ABR: variants seen among roughly 807,000 people sequenced by gnomAD.
ABR encodes active breakpoint cluster region-related protein.
ABR carries 35 observed loss-of-function variants against 107.2 expected under a neutral mutation model. The observed-to-expected ratio is 0.33, with a 90% CI of 0.25 to 0.43. The LOEUF (loss-of-function observed/expected upper bound fraction) is 0.43. Among genes scored for constraint, ABR ranks in the 20% least tolerant of loss-of-function variants. ABR has a pLI of 1.00. For synonymous variants in ABR, 498 were observed against 462.0 expected, an observed-to-expected ratio of 1.08 and a Z score of -1.00; for missense variants, 815 against 1,115.2, an observed-to-expected ratio of 0.73 and a Z score of 3.83.
At chr17:1,217,920 C>T (rs1418135318) in intron 1 of ABR, among the ~76,000 whole-genome samples, 2 of 152,218 alleles carry the variant, frequency 1.3e-5, no homozygotes, top group South Asian at 2.1e-4. Flanking sequence ...GTCTTGAACT[C>T]CTGACCTCAG....
intron 10 of ABR, 120 bp downstream of exon 10, chr17:1,066,957 T>C (rs560822736): frequency 1.9e-6 from 2 of 1,061,566 alleles, no homozygotes; most frequent in South Asian, 3.0e-5. Flanking sequence ...GGTCTTTCCC[T>C]TAGTAACTAC....
chr17:1,131,180 C>CCT (rs1366646097), intron 1 of ABR, among the ~76,000 whole-genome samples: 7 of 123,016 alleles, frequency 5.7e-5, no homozygotes, highest in Non-Finnish European at 1.2e-4. Flanking sequence ...ACAGCTCCCC[C>CCT]CTTTGCACAC....
chr17:1,151,265 T>C (rs2040782234), intron 1 of ABR, among the ~76,000 whole-genome samples: 1 of 152,060 alleles, frequency 6.6e-6, no homozygotes, highest in Non-Finnish European at 1.5e-5. Context: ...ACTGCCAGGC[T>C]CTCACAGAGG....
chr17:1,100,340 A>G (rs2257474), intron 3 of ABR, among the ~76,000 whole-genome samples: 115,818 of 152,176 alleles, frequency 0.76, 44,237 homozygotes, highest in South Asian at 0.9. Context: ...GCAGAGCACC[A>G]TGATGGGTTC....
chr17:1,091,357 A>G (rs1315730066), intron 4 of ABR, among the ~76,000 whole-genome samples: 3 of 150,838 alleles, frequency 2.0e-5, no homozygotes, highest in Non-Finnish European at 4.4e-5. Context: ...CCTCCGGGAG[A>G]GAGATGGTGC....
chr17:1,176,397 G>A (rs996688709), intron 1 of ABR, among the ~76,000 whole-genome samples: 5 of 152,188 alleles, frequency 3.3e-5, no homozygotes, highest in Non-Finnish European at 5.9e-5. Context: ...GGTGGTACTC[G>A]GGATCCTCCT....
chr17:1,175,464 G>T (rs901566617), intron 1 of ABR, among the ~76,000 whole-genome samples: 1 of 152,196 alleles, frequency 6.6e-6, no homozygotes, highest in Non-Finnish European at 1.5e-5. Context: ...GGAGAGAAAG[G>T]TAAGGTACTG....
In ABR at chr17:1,027,109, G is replaced by A. The variant is rs1385938782; in HGVS notation, c.1792-13945C>T. 6.6e-6 allele frequency among the ~76,000 whole-genome samples: 1 copy of A among 152,192 alleles called. No individual in the cohort carries two copies. Among genetic ancestry groups the A allele is most frequent in the Non-Finnish European group, 1.5e-5 (1 of 68,030 alleles). Reference sequence around the variant, plus strand: ...GGGGGCTCCTTCCAAAATGTCTGGGGCCTCATTGCCTCTGGGTACTACAGC... The same window carrying A: ...GGGGGCTCCTTCCAAAATGTCTGGGACCTCATTGCCTCTGGGTACTACAGC... On this transcript the variant is annotated intron_variant, in intron 16 of 22. Transcript: ENST00000302538. This position sits in a 1 kb window ranked among gnomAD's most constrained non-coding sequence, Gnocchi z 4.7.
chr17:1,035,820 TC>T lies in ABR; in HGVS notation c.1791+14229del, dbSNP rs1012606049. Among the ~76,000 whole-genome samples the T allele has an allele frequency of 3.8e-4, 57 of 149,604 alleles. 3 individuals are homozygous for T. Among genetic ancestry groups the T allele is most frequent in the Admixed American group, 5.3e-4 (8 of 15,010 alleles). On this transcript the variant is annotated intron_variant, in intron 16 of 22. Transcript: ENST00000302538. ...TCTGCAAGGGGAGTGAGAGGGGCTG[TC>T]CCCGGGGAGACGTGGGTGGGACCCC...
chr17:1,083,502 A>C lies in ABR; in HGVS notation c.639+18T>G. On this transcript the variant is annotated intron_variant, in intron 5 of 22. Transcript: ENST00000302538. ...AAGCTCCTTGTCCCTCAGGGTGGCT[A>C]TGTGGGGAGCGGCCTACCTCTGAGA... The C allele has an allele frequency of 1.3e-6, 2 of 1,570,528 alleles. No individual in the cohort carries two copies. The highest frequency in any genetic ancestry group is 2.3e-5 in the South Asian group (2 of 86,314).
intron 9 of ABR, among the ~76,000 whole-genome samples, chr17:1,068,036 G>T (rs773175268): frequency 6.6e-6 from 1 of 152,174 alleles, no homozygotes; most frequent in Non-Finnish European, 1.5e-5. Flanking sequence ...GGGTTCAAGC[G>T]ATTCTCCCAC....
intron 16 of ABR, among the ~76,000 whole-genome samples, chr17:1,021,669 T>C (rs2071662601): frequency 6.6e-6 from 1 of 151,204 alleles, no homozygotes; most frequent in Non-Finnish European, 1.5e-5. Flanking sequence ...CCAGGCGTGG[T>C]GGCGGGTGCC....
chr17:1,059,887 C>T (rs186434701), intron 10 of ABR, among the ~76,000 whole-genome samples: 134 of 152,262 alleles, frequency 8.8e-4, no homozygotes, highest in African/African-American at 3.2e-3. Flanking sequence ...CCTCACACAC[C>T]GCAGGGGGAA....
chr17:1,203,506 C>T (rs539715085), intron 1 of ABR, among the ~76,000 whole-genome samples: 1 of 9,752 alleles, frequency 1.0e-4, no homozygotes, highest in African/African-American at 1.1e-4. Context: ...ACGGAGTCTG[C>T]GGGGGCGGGG....
chr17:1,060,226 C>A (rs771959559), intron 10 of ABR, among the ~76,000 whole-genome samples: 6 of 152,162 alleles, frequency 3.9e-5, no homozygotes, highest in Admixed American at 1.3e-4. Context: ...CCCTGGCCAA[C>A]GTGGTGAAAC....
chr17:1,147,053 C>T (rs2040585028), intron 1 of ABR, among the ~76,000 whole-genome samples: 1 of 152,274 alleles, frequency 6.6e-6, no homozygotes, highest in Non-Finnish European at 1.5e-5. Context: ...GAAGGCCGTA[C>T]TGTCTGGCCA....
chr17:1,221,833 C>A (rs1176792970), intron 1 of ABR, among the ~76,000 whole-genome samples: 1 of 152,186 alleles, frequency 6.6e-6, no homozygotes, highest in African/African-American at 2.4e-5. Flanking sequence ...ATCAGGGACC[C>A]CAGGGGACCT....
chr17:1,013,434 G>A (rs2070828720), intron 16 of ABR, among the ~76,000 whole-genome samples: 1 of 149,844 alleles, frequency 6.7e-6, no homozygotes, highest in Non-Finnish European at 1.5e-5. Context: ...GGGGAGGCAG[G>A]GCACACTCTG....
In ABR at chr17:1,092,062, C is replaced by T. The variant is rs1475187580; in HGVS notation, c.346-212G>A. Among the ~76,000 whole-genome samples the T allele has an allele frequency of 6.6e-6, 1 of 152,144 alleles. No individual in the cohort carries two copies. Among genetic ancestry groups the T allele is most frequent in the Non-Finnish European group, 1.5e-5 (1 of 68,006 alleles). On this transcript the variant is annotated intron_variant, in intron 3 of 22. Coordinates refer to ENST00000302538, the MANE Select transcript of ABR (RefSeq NM_021962.5). This position sits in a 1 kb window ranked among gnomAD's most constrained non-coding sequence, Gnocchi z 4.6. The stretch of plus-strand genomic sequence containing the variant: ...ACTCGACAGCAGGAACCTGGCCTGG[C>T]AGCTGTGCCAGGCCCGAGGGGTGGT...
Sources: allele counts gnomAD v4.1 joint callset (sites outside exome capture counted in the v4.1 genomes callset), GRCh38; gene constraint gnomAD v4.1.1; non-coding constraint Gnocchi (gnomAD v3.1); transcripts MANE v1.5; gene names NCBI Gene and HGNC (gene_info 2026-07-23, HGNC 2026-07-21).